Variants in PLCB1 observed in about 807,000 individuals in gnomAD.
The protein encoded by PLCB1 is phospholipase C beta 1.
PLCB1 carries 46 observed loss-of-function variants against 161.8 expected under a neutral mutation model. That is an observed-to-expected ratio of 0.28 (90% CI 0.22 to 0.36). The LOEUF (loss-of-function observed/expected upper bound fraction) is 0.36. Among genes scored for constraint, PLCB1 ranks in the 10% least tolerant of loss-of-function variants. PLCB1 has a pLI of 1.00. For missense variants in PLCB1, 1,016 were observed against 1,472.5 expected, an observed-to-expected ratio of 0.69 and a Z score of 5.07; for synonymous variants, 517 against 503.7, an observed-to-expected ratio of 1.03 and a Z score of -0.35.
intron 2 of PLCB1, among the ~76,000 whole-genome samples, chr20:8,230,150 G>C (rs2123181877): frequency 6.8e-6 from 1 of 147,504 alleles, no homozygotes; most frequent in South Asian, 2.2e-4. Context: ...AATTCAATAA[G>C]TTTCTTAGGT....
chr20:8,698,101 A>G (rs1366565411), intron 11 of PLCB1, among the ~76,000 whole-genome samples: 1 of 152,230 alleles, frequency 6.6e-6, no homozygotes, highest in African/African-American at 2.4e-5. Flanking sequence ...AATACAGACA[A>G]CTTATTTCTA....
At position 8,708,711 on chromosome 20, in the gene PLCB1, A is replaced by G; in HGVS notation, c.1209A>G (p.Ser403=). 1 of 1,613,320 alleles carries G rather than the reference A, an allele frequency of 6.2e-7. No individual in the cohort carries two copies. The highest frequency in any genetic ancestry group is 8.5e-7 in the Non-Finnish European group (1 of 1,179,368). Reference sequence around the variant, plus strand: ...TTGCGGAGTGTGCATTTAAGACTTCACCTTTTCCAATTCTCCTTTCGTTTG... The same window carrying G: ...TTGCGGAGTGTGCATTTAAGACTTCGCCTTTTCCAATTCTCCTTTCGTTTG... ...EAIAECAFKT[S]PFPILLSFEN... Residue 403 remains serine (S), a synonymous_variant, in exon 12 of 32, where the codon TCA becomes TCG. Coordinates refer to ENST00000338037, the MANE Select transcript of PLCB1 (RefSeq NM_015192.4).
chr20:8,736,908 T>C (rs1980615210), intron 19 of PLCB1, 120 bp from the exon 20 acceptor site: 2 of 714,402 alleles, frequency 2.8e-6, no homozygotes, highest in Admixed American at 2.7e-5. Flanking sequence ...TTCTATTCCA[T>C]TTTGCTTATA....
At position 8,197,039 on chromosome 20, in the gene PLCB1, G is replaced by A. The variant is rs1431532721; in HGVS notation, c.177+46668G>A. On this transcript the variant is annotated intron_variant, in intron 2 of 31. Coordinates refer to ENST00000338037, the MANE Select transcript of PLCB1 (RefSeq NM_015192.4). Reference sequence around the variant, plus strand: ...CTGCATAGTATTCTATGGTGTATATGTGCCACATTTTCTTAATCCTGTCTA... The same window carrying A: ...CTGCATAGTATTCTATGGTGTATATATGCCACATTTTCTTAATCCTGTCTA... 2.0e-5 allele frequency among the ~76,000 whole-genome samples: 3 copies of A among 152,110 alleles called. No individual in the cohort carries two copies. In the South Asian group the frequency reaches 6.2e-4, roughly 32 times the overall value.
intron 3 of PLCB1, among the ~76,000 whole-genome samples, chr20:8,375,963 A>G (rs2122362825): frequency 6.7e-6 from 1 of 150,006 alleles, no homozygotes; most frequent in African/African-American, 2.5e-5. Context: ...AAAAAAAAAA[A>G]AGGTCACACT....
chr20:8,218,739 T>C (rs2123158949), intron 2 of PLCB1, among the ~76,000 whole-genome samples: 1 of 151,994 alleles, frequency 6.6e-6, no homozygotes, highest in African/African-American at 2.4e-5. Flanking sequence ...CCCTAGAAAA[T>C]ATTTCAGAAT....
At chr20:8,483,128 T>A (rs1352964680) in intron 3 of PLCB1, among the ~76,000 whole-genome samples, 1 of 152,190 alleles carries the variant, frequency 6.6e-6, no homozygotes, top group Non-Finnish European at 1.5e-5. Flanking sequence ...AAACAGCCAT[T>A]TATTTCTATC....
chr20:8,594,264 G>A (rs563237617), intron 3 of PLCB1, among the ~76,000 whole-genome samples: 2 of 152,198 alleles, frequency 1.3e-5, no homozygotes, highest in Admixed American at 1.3e-4. Context: ...AAACTCGACC[G>A]AAAATAAAAC....
In PLCB1 at chr20:8,884,429, T is replaced by TTACACTACTGAGAATAGCATGGTTTTGGC. The variant is rs1988102415; in HGVS notation, c.*2581_*2609dup. On this transcript the variant is annotated 3_prime_UTR_variant, in exon 32 of 32. Transcript: ENST00000338037. ...ATTAGACTGTGTCTCTCTGATACCT[T>TTACACTACTGAGAATAGCATGGTTTTGGC]TACACTACTGAGAATAGCATGGTTT... 1 of 152,616 alleles carries TTACACTACTGAGAATAGCATGGTTTTGGC rather than the reference T, an allele frequency of 6.6e-6. No individual in the cohort carries two copies. The highest frequency in any genetic ancestry group is 2.4e-5 in the African/African-American group (1 of 41,452). The allele number at this position is 152,616 out of a possible 1,614,324, so 9.5% of individuals were successfully genotyped here.
At chr20:8,203,718 A>G (rs2123131127) in intron 2 of PLCB1, among the ~76,000 whole-genome samples, 1 of 152,238 alleles carries the variant, frequency 6.6e-6, no homozygotes, top group South Asian at 2.1e-4. Context: ...CAGGGAGAAA[A>G]CTTGGAGGAC....
chr20:8,257,768 T>C (rs1981500989), intron 2 of PLCB1, among the ~76,000 whole-genome samples: 1 of 152,174 alleles, frequency 6.6e-6, no homozygotes, highest in South Asian at 2.1e-4. Flanking sequence ...ACTGATTTTT[T>C]TCACACTTGT....
At chr20:8,637,304 A>G (rs1189408402) in intron 4 of PLCB1, among the ~76,000 whole-genome samples, 1 of 152,216 alleles carries the variant, frequency 6.6e-6, no homozygotes, top group Non-Finnish European at 1.5e-5. Flanking sequence ...AATTTTCCTG[A>G]TAACTATATT....
intron 3 of PLCB1, among the ~76,000 whole-genome samples, chr20:8,457,385 C>T (rs1050694517): frequency 6.6e-6 from 1 of 152,066 alleles, no homozygotes; most frequent in Non-Finnish European, 1.5e-5. Flanking sequence ...CTTCACCCAG[C>T]GTAATGCCAG....
intron 31 of PLCB1, among the ~76,000 whole-genome samples, chr20:8,837,913 C>T (rs1202180710): frequency 1.3e-5 from 2 of 152,172 alleles, no homozygotes; most frequent in African/African-American, 4.8e-5. Flanking sequence ...GCCGTGATTA[C>T]CATGATGAAC....
rs1988027595 is a variant in PLCB1, at chr20:8,882,383, CTAAT to C, written c.*536_*539del. 6.2e-6 allele frequency: 1 copy of C among 160,890 alleles called. No homozygotes were observed. The highest frequency in any genetic ancestry group is 1.4e-5 in the Non-Finnish European group (1 of 72,530). The allele number at this position is 160,890 out of a possible 1,614,324, so 10.0% of individuals were successfully genotyped here. A position where few individuals can be genotyped will look rare whatever the true frequency, so the allele number is the denominator to read the frequency against. On this transcript the variant is annotated 3_prime_UTR_variant, in exon 32 of 32. Transcript: ENST00000338037. ...GCAAGCACTGGTGGCTTGCAGTTTG[CTAAT>C]TTATTTATCATAGAGTCATCAATGT...
intron 3 of PLCB1, among the ~76,000 whole-genome samples, chr20:8,536,594 A>G (rs138914634): frequency 1.3e-5 from 2 of 152,282 alleles, no homozygotes; most frequent in Non-Finnish European, 2.9e-5. Context: ...TAGACATCCC[A>G]GGTGATCATC....
intron 3 of PLCB1, among the ~76,000 whole-genome samples, chr20:8,583,007 A>C (rs1338108046): frequency 6.6e-6 from 1 of 151,934 alleles, no homozygotes; most frequent in Non-Finnish European, 1.5e-5. Flanking sequence ...AAAAAAAGAA[A>C]AGGAAAATGA....
At chr20:8,317,980 G>T (rs952523648) in intron 2 of PLCB1, among the ~76,000 whole-genome samples, 3 of 149,412 alleles carry the variant, frequency 2.0e-5, no homozygotes, top group Admixed American at 6.6e-5. Flanking sequence ...AATTCATTAA[G>T]AATTATTTCT....
intron 2 of PLCB1, among the ~76,000 whole-genome samples, chr20:8,193,789 G>C (rs1044843676): frequency 2.6e-5 from 4 of 151,186 alleles, no homozygotes; most frequent in African/African-American, 9.8e-5. Context: ...ACATTGCCCT[G>C]TAGACTTAAT....
Sources: gnomAD v4.1 joint callset for allele counts (sites outside exome capture counted in the v4.1 genomes callset) on GRCh38, gnomAD v4.1.1 for gene constraint, MANE v1.5 for transcripts, NCBI Gene and HGNC (gene_info 2026-07-23, HGNC 2026-07-21) for gene names.